SMC6: variants seen among roughly 807,000 people sequenced by gnomAD.
SMC6 encodes the protein structural maintenance of chromosomes protein 6.
Under a neutral mutation model 142.2 loss-of-function variants are expected in SMC6, and 79 were observed. The observed-to-expected ratio is 0.56, with a 90% CI of 0.46 to 0.67. The LOEUF (loss-of-function observed/expected upper bound fraction) is 0.67. Among genes scored for constraint, SMC6 ranks in the 30% least tolerant of loss-of-function variants. SMC6 has a pLI of 0.00. For missense variants in SMC6, 1,072 were observed against 1,284.0 expected (o/e 0.83, Z 2.52); for synonymous variants, 411 against 412.4 (o/e 1.00, Z 0.04).
chr2:17,736,496 A>G (rs1268405152), intron 5 of SMC6, among the ~76,000 whole-genome samples: 1 of 152,124 alleles, frequency 6.6e-6, no homozygotes, highest in African/African-American at 2.4e-5. Context: ...ATTTCTTCTT[A>G]AAGACTGTAT....
intron 21 of SMC6, 26 bp from the exon 22 acceptor site, chr2:17,696,452 G>T (rs768355051): frequency 1.9e-6 from 3 of 1,585,670 alleles, no homozygotes; most frequent in East Asian, 2.3e-5. Flanking sequence ...CAGAATAAAA[G>T]ATTGTTTTAA....
chr2:17,684,144 A>C (rs1246888524), intron 23 of SMC6, among the ~76,000 whole-genome samples: 1 of 152,164 alleles, frequency 6.6e-6, no homozygotes, highest in East Asian at 1.9e-4. Context: ...ATAAAAGAAA[A>C]AAAGAACTCA....
Position 17,731,058 on chromosome 2 carries a change from AAC to A in SMC6, c.543+18_543+19del. On this transcript the variant is annotated intron_variant, in intron 7 of 27. Coordinates refer to ENST00000448223, the MANE Select transcript of SMC6 (RefSeq NM_001142286.2). ...TGACAAGGTGTATGAATTAATCTGA[AAC>A]ACAAATTCACCAATTACCTGGATGT... 1 of 1,594,784 alleles carries A rather than the reference AAC, an allele frequency of 6.3e-7. No individual in the cohort carries two copies. The highest frequency in any genetic ancestry group is 8.6e-7 in the Non-Finnish European group (1 of 1,165,862).
At chr2:17,685,639 A>C in intron 23 of SMC6, among the ~76,000 whole-genome samples, 1 of 152,260 alleles carries the variant, frequency 6.6e-6, no homozygotes, top group Middle Eastern at 3.4e-3. Context: ...ATGGACATAT[A>C]GAAGTACTAA....
intron 2 of SMC6, among the ~76,000 whole-genome samples, chr2:17,752,203 G>A (rs943633160): frequency 3.9e-5 from 6 of 152,088 alleles, no homozygotes; most frequent in Non-Finnish European, 8.8e-5. Context: ...AAAATCCACA[G>A]ATGCTCAAGT....
chr2:17,728,951 T>C (rs1192010733), intron 7 of SMC6, among the ~76,000 whole-genome samples: 3 of 152,032 alleles, frequency 2.0e-5, no homozygotes, highest in Non-Finnish European at 4.4e-5. Flanking sequence ...GGTTTCACCA[T>C]GTTGGCCAGC....
chr2:17,695,786 A>G (rs1667958759), intron 22 of SMC6, among the ~76,000 whole-genome samples: 1 of 152,184 alleles, frequency 6.6e-6, no homozygotes, highest in Admixed American at 6.5e-5. Flanking sequence ...AATGAATTAC[A>G]GAGTTTAGAT....
intron 16 of SMC6, among the ~76,000 whole-genome samples, chr2:17,712,577 A>G (rs1489411808): frequency 6.6e-6 from 1 of 152,198 alleles, no homozygotes; most frequent in South Asian, 2.1e-4. Flanking sequence ...AATACTCCTT[A>G]CGAGCTAGGC....
chr2:17,668,022 A>G (rs1354959513), intron 26 of SMC6, among the ~76,000 whole-genome samples: 2 of 152,218 alleles, frequency 1.3e-5, no homozygotes, highest in African/African-American at 4.8e-5. Context: ...CTATTATTTT[A>G]TAACAAAACT....
At chr2:17,711,163 A>C (rs749989441) in intron 16 of SMC6, among the ~76,000 whole-genome samples, 1 of 152,190 alleles carries the variant, frequency 6.6e-6, no homozygotes, top group Non-Finnish European at 1.5e-5. Flanking sequence ...CCATCATTAC[A>C]TGAAGCTGTT....
At chr2:17,748,585 C>A (rs965477151) in intron 2 of SMC6, among the ~76,000 whole-genome samples, 3 of 152,118 alleles carry the variant, frequency 2.0e-5, no homozygotes, top group African/African-American at 7.2e-5. Context: ...TAATAAGAAT[C>A]AACATAGATC....
intron 15 of SMC6, among the ~76,000 whole-genome samples, chr2:17,715,859 AAAAC>A (rs1234763773): frequency 2.6e-5 from 4 of 152,200 alleles, no homozygotes; most frequent in African/African-American, 9.6e-5. Flanking sequence ...TTTATTCAGA[AAAAC>A]AAGAATCAAA....
chr2:17,692,558 A>C (rs921489925), intron 23 of SMC6, among the ~76,000 whole-genome samples: 6 of 152,244 alleles, frequency 3.9e-5, no homozygotes, highest in Non-Finnish European at 8.8e-5. Flanking sequence ...AATTAATTCA[A>C]GATGGATTAA....
chr2:17,727,351 A>G (rs921391512), intron 7 of SMC6, among the ~76,000 whole-genome samples: 7 of 152,174 alleles, frequency 4.6e-5, no homozygotes, highest in Middle Eastern at 3.2e-3. Context: ...CCCAACCTAC[A>G]TCTTTCTCCA....
chr2:17,720,549 T>G (rs1342883406), intron 11 of SMC6, among the ~76,000 whole-genome samples: 1 of 152,236 alleles, frequency 6.6e-6, no homozygotes. Flanking sequence ...TACTTTCTGA[T>G]ACTTACCTTT....
chr2:17,712,723 T>C (rs1233998770), intron 16 of SMC6, among the ~76,000 whole-genome samples: 3 of 152,216 alleles, frequency 2.0e-5, no homozygotes, highest in Admixed American at 6.5e-5. Context: ...ATAGCCAGTT[T>C]TTAAATTTAG....
intron 3 of SMC6, among the ~76,000 whole-genome samples, chr2:17,745,404 G>A (rs925561886): frequency 3.3e-5 from 5 of 152,054 alleles, no homozygotes; most frequent in Admixed American, 1.3e-4. Context: ...GATCTATTTC[G>A]TACTGGGTGA....
chr2:17,731,939 CCA>C (rs1428126162), intron 5 of SMC6, 62 bp from the exon 6 acceptor site: 10 of 1,515,116 alleles, frequency 6.6e-6, no homozygotes, highest in Middle Eastern at 1.7e-4. Flanking sequence ...TACTAGGTTG[CCA>C]CAGTTTTCAA....
chr2:17,735,443 G>T (rs1414131012), intron 5 of SMC6, among the ~76,000 whole-genome samples: 1 of 152,134 alleles, frequency 6.6e-6, no homozygotes, highest in Admixed American at 6.5e-5. Context: ...TCCTTCTCTG[G>T]GTCACCAGCT....
Sources: allele counts gnomAD v4.1 joint callset (sites outside exome capture counted in the v4.1 genomes callset), GRCh38; gene constraint gnomAD v4.1.1; transcripts MANE v1.5; gene names NCBI Gene and HGNC (gene_info 2026-07-23, HGNC 2026-07-21).